The following LMOD1 variants were observed in gnomAD, a reference collection of about 807,000 sequenced individuals.
The protein encoded by LMOD1 is leiomodin-1.
In LMOD1, 8 loss-of-function variants were observed where a neutral mutation model predicts 36.5. The ratio of observed to expected loss-of-function variants is 0.22; its 90% CI spans 0.13 to 0.40. LMOD1 has a LOEUF of 0.40. Among genes scored for constraint, LMOD1 ranks in the 10% least tolerant of loss-of-function variants. The pLI, the probability that LMOD1 is intolerant of heterozygous loss-of-function variation, is 1.00. For synonymous variants in LMOD1, 284 were observed against 288.7 expected, an observed-to-expected ratio of 0.98 and a Z score of 0.17; for missense variants, 630 against 751.1, an observed-to-expected ratio of 0.84 and a Z score of 1.88.
intron 1 of LMOD1, among the ~76,000 whole-genome samples, chr1:201,941,618 G>A (rs892190492): frequency 5.9e-5 from 9 of 152,368 alleles, no homozygotes; most frequent in South Asian, 2.1e-4. Context: ...GGGTTAGGCC[G>A]CCGGCCTCGG....
chr1:201,925,951 C>G (rs1440806166), intron 1 of LMOD1, among the ~76,000 whole-genome samples: 1 of 152,102 alleles, frequency 6.6e-6, no homozygotes, highest in Non-Finnish European at 1.5e-5. Flanking sequence ...TGGGCTCAAG[C>G]AGGCCTCCCA....
intron 1 of LMOD1, among the ~76,000 whole-genome samples, chr1:201,925,835 G>C (rs1681818783): frequency 6.6e-6 from 1 of 151,918 alleles, no homozygotes; most frequent in Admixed American, 6.6e-5. Flanking sequence ...TTCCCAAGTA[G>C]CTGGAACCAC....
intron 1 of LMOD1, among the ~76,000 whole-genome samples, chr1:201,917,744 ATGT>A (rs767766744): frequency 1.4e-5 from 2 of 142,380 alleles, no homozygotes; most frequent in African/African-American, 5.2e-5. Flanking sequence ...AGTCTGGGAA[ATGT>A]TGTAAAGATC....
chr1:201,903,909 G>C (rs1681369811), intron 1 of LMOD1, among the ~76,000 whole-genome samples: 1 of 152,218 alleles, frequency 6.6e-6, no homozygotes, highest in African/African-American at 2.4e-5. Flanking sequence ...CCAGAGAGAT[G>C]ATGAGTTAAC....
Position 201,946,316 on chromosome 1 carries a change from G to A in LMOD1, c.25C>T (p.Arg9Trp), listed in dbSNP as rs993929335. 2 of 1,613,936 alleles carry A rather than the reference G, an allele frequency of 1.2e-6. No individual in the cohort carries two copies. The highest frequency in any genetic ancestry group is 1.7e-6 in the Non-Finnish European group (2 of 1,179,874). Residue 9 changes from arginine to tryptophan, a missense_variant, in exon 1 of 3, where the codon CGG (arginine) becomes TGG (tryptophan). Arg to Trp is a moderately radical substitution (Grantham distance 101, BLOSUM62 -3). This residue lies in a region of LMOD1 where 405 missense variants were observed against 400.6 expected (regional missense o/e 1.01). Transcript: ENST00000367288. MSRVAKYRRQVSEDPDIDS... is the reference protein window; with the variant it reads MSRVAKYRWQVSEDPDIDS... The stretch of plus-strand genomic sequence containing the variant: ...ATGTCGGGGTCTTCACTCACCTGCC[G>A]GCGATATTTGGCTACTCTAGACATC...
At chr1:201,931,426 T>A (rs1681917153) in intron 1 of LMOD1, among the ~76,000 whole-genome samples, 1 of 150,804 alleles carries the variant, frequency 6.6e-6, no homozygotes, top group Non-Finnish European at 1.5e-5. Context: ...TCCCAGCTAC[T>A]CAGGAGGCTG....
intron 1 of LMOD1, 105 bp from the exon 2 acceptor site, chr1:201,900,856 T>A: frequency 1.0e-6 from 1 of 969,384 alleles, no homozygotes; most frequent in Non-Finnish European, 1.5e-6. Context: ...CCCTTGAGCC[T>A]CTGAAGGACA....
chr1:201,946,140 G>A lies in LMOD1; in HGVS notation c.201C>T (p.Ala67=). The A allele has an allele frequency of 6.2e-7, 1 of 1,613,956 alleles. No homozygotes were observed. The highest frequency in any genetic ancestry group is 8.5e-7 in the Non-Finnish European group (1 of 1,179,878). The part of the protein sequence containing the change: ...KQSTGVYNRE[A]MLNFCEKETK... ...TCTCCTTTTCACAGAAGTTGAGCAT[G>A]GCCTCCCGGTTGTACACACCCGTGG... The change falls in exon 1 of 3, where the codon GCC becomes GCT. Residue 67 remains alanine (A), a synonymous_variant. Transcript: ENST00000367288.
At chr1:201,916,486 G>A (rs1681613884) in intron 1 of LMOD1, among the ~76,000 whole-genome samples, 1 of 151,910 alleles carries the variant, frequency 6.6e-6, no homozygotes, top group African/African-American at 2.4e-5. Context: ...CTGCACTCCA[G>A]CCTGAGCAAC....
At chr1:201,927,580 A>C (rs949036239) in intron 1 of LMOD1, among the ~76,000 whole-genome samples, 21 of 133,434 alleles carry the variant, frequency 1.6e-4, no homozygotes, top group African/African-American at 5.7e-4. Flanking sequence ...ACAAACAAAC[A>C]AAAAAAACAA....
At chr1:201,908,796 C>T (rs1348714303) in intron 1 of LMOD1, among the ~76,000 whole-genome samples, 1 of 152,178 alleles carries the variant, frequency 6.6e-6, no homozygotes, top group African/African-American at 2.4e-5. Context: ...CACATGGAAA[C>T]TGTCCGAAAT....
intron 1 of LMOD1, among the ~76,000 whole-genome samples, chr1:201,937,450 C>T (rs927138693): frequency 6.7e-6 from 1 of 149,776 alleles, no homozygotes; most frequent in Admixed American, 6.7e-5. Context: ...CTGTCTCAAA[C>T]AAACAAACAA....
At chr1:201,931,462 G>A (rs1681918062) in intron 1 of LMOD1, among the ~76,000 whole-genome samples, 1 of 148,514 alleles carries the variant, frequency 6.7e-6, no homozygotes, top group Non-Finnish European at 1.5e-5. Context: ...TTGACCCCAG[G>A]AAGCAGAGGA....
intron 1 of LMOD1, among the ~76,000 whole-genome samples, chr1:201,918,742 T>A (rs527393819): frequency 6.6e-6 from 1 of 152,338 alleles, no homozygotes; most frequent in South Asian, 2.1e-4. Flanking sequence ...AACAGCACAA[T>A]GAACCTCAAG....
At chr1:201,913,721 G>C (rs904914219) in intron 1 of LMOD1, among the ~76,000 whole-genome samples, 1 of 152,210 alleles carries the variant, frequency 6.6e-6, no homozygotes, top group Non-Finnish European at 1.5e-5. Flanking sequence ...ATGTGGGCAA[G>C]AGTGAGGCTT....
In LMOD1 at chr1:201,900,651, A is replaced by G; in HGVS notation, c.362T>C (p.Leu121Pro). The change falls in exon 2 of 3, where the codon CTG (leucine) becomes CCG (proline). Residue 121 changes from leucine to proline, a missense_variant. By Grantham distance (98) the Leu-to-Pro change is moderately conservative (BLOSUM62 -3). Transcript: ENST00000367288. ...ACCACCCCTCTTTGGCTCCTTCCCC[A>G]GATCTGAGTCCCGTCTGGGGCCCAG... ...KALGPRRDSD[L>P]GKEPKRGGLK... 3 of 1,613,742 alleles carry G rather than the reference A, an allele frequency of 1.9e-6. No homozygotes were observed. The South Asian group carries it at 3.3e-5, about 18-fold the overall frequency.
In LMOD1 at chr1:201,899,308, C is replaced by T; in HGVS notation, c.1705G>A (p.Ala569Thr). Residue 569 changes from alanine to threonine, a missense_variant, in exon 2 of 3, where the codon GCC becomes ACC. Coordinates refer to ENST00000367288, the MANE Select transcript of LMOD1 (RefSeq NM_012134.3). The surrounding 1 kb of genome is among the most constrained non-coding windows in gnomAD (Gnocchi z 6.3). The part of the protein sequence containing the change: ...QRKMGDKVLP[A>T]QEKNSRDQLL... ...TGGTCACGGGAGTTCTTCTCCTGGG[C>T]AGGGAGGACTTTGTCTCCCATCTTC... is the stretch of plus-strand genomic sequence containing the variant. 2 of 1,610,614 alleles carry T rather than the reference C, an allele frequency of 1.2e-6. No individual in the cohort carries two copies. The highest frequency in any genetic ancestry group is 1.7e-6 in the Non-Finnish European group (2 of 1,178,336).
At chr1:201,908,559 A>C (rs934109928) in intron 1 of LMOD1, among the ~76,000 whole-genome samples, 4 of 152,164 alleles carry the variant, frequency 2.6e-5, no homozygotes, top group Admixed American at 6.5e-5. Context: ...GGGGCTCAAC[A>C]CAGAATTCCT....
At chr1:201,912,425 C>T (rs1169000620) in intron 1 of LMOD1, among the ~76,000 whole-genome samples, 1 of 152,076 alleles carries the variant, frequency 6.6e-6, no homozygotes, top group Non-Finnish European at 1.5e-5. Flanking sequence ...TTATCTTGGC[C>T]CCTATCACTC....
Sources: allele counts gnomAD v4.1 joint callset (sites outside exome capture counted in the v4.1 genomes callset), GRCh38; gene constraint gnomAD v4.1.1; regional missense constraint gnomAD v4.1.1; non-coding constraint Gnocchi (gnomAD v3.1); transcripts MANE v1.5; gene names NCBI Gene and HGNC (gene_info 2026-07-23, HGNC 2026-07-21).